Variants in CFAP210 observed in about 807,000 individuals in gnomAD.
CFAP210 encodes the protein cilia- and flagella- associated protein 210.
chr2:169,681,800 G>T, the CFAP210 span, among the ~76,000 whole-genome samples: 1 of 152,180 alleles, frequency 6.6e-6, no homozygotes, highest in African/African-American at 2.4e-5. Flanking sequence ...AGGTTTACTT[G>T]CAACTTTTAG....
chr2:169,683,262 A>C, the CFAP210 span, among the ~76,000 whole-genome samples: 3 of 152,096 alleles, frequency 2.0e-5, no homozygotes, highest in Non-Finnish European at 1.5e-5. Context: ...TATCATCATG[A>C]CTCTTTAGTT....
chr2:169,661,645 C>G, the CFAP210 span, among the ~76,000 whole-genome samples: 1 of 152,210 alleles, frequency 6.6e-6, no homozygotes, highest in Non-Finnish European at 1.5e-5. Context: ...TCACAACTCT[C>G]AAGAAAATAT....
chr2:169,679,350 C>T, the CFAP210 span, among the ~76,000 whole-genome samples: 1 of 152,228 alleles, frequency 6.6e-6, no homozygotes, highest in South Asian at 2.1e-4. Context: ...AATATCCAGT[C>T]GACATCTTCC....
At chr2:169,649,156 A>G in the CFAP210 span, 1 of 1,553,842 alleles carries the variant, frequency 6.4e-7, no homozygotes, top group South Asian at 1.2e-5. Flanking sequence ...TTACTAACAT[A>G]ATTATAAACA....
the CFAP210 span, among the ~76,000 whole-genome samples, chr2:169,651,421 G>T: frequency 6.6e-6 from 1 of 151,672 alleles, no homozygotes; most frequent in Non-Finnish European, 1.5e-5. Flanking sequence ...TTTTGAGACT[G>T]AGTCTCACTG....
the CFAP210 span, among the ~76,000 whole-genome samples, chr2:169,672,159 G>A: frequency 2.6e-5 from 4 of 152,156 alleles, no homozygotes; most frequent in South Asian, 2.1e-4. Context: ...ATAGCTTGGC[G>A]ATAAGTTTGT....
chr2:169,662,270 T>C, the CFAP210 span: 2 of 1,589,860 alleles, frequency 1.3e-6, no homozygotes, highest in Non-Finnish European at 1.7e-6. Context: ...CTTTTGCCCT[T>C]TCAACTTACA....
the CFAP210 span, chr2:169,662,487 T>C: frequency 3.4e-6 from 5 of 1,456,134 alleles, no homozygotes; most frequent in Admixed American, 2.6e-5. Flanking sequence ...AAATAGGTTA[T>C]ATTTTTAAGA....
the CFAP210 span, among the ~76,000 whole-genome samples, chr2:169,668,620 T>C: frequency 3.3e-5 from 5 of 152,322 alleles, no homozygotes; most frequent in East Asian, 7.7e-4. Context: ...AGGTTATTAA[T>C]TGGCCTGATT....
chr2:169,658,396 A>G, the CFAP210 span: 1 of 152,520 alleles, frequency 6.6e-6, no homozygotes, highest in African/African-American at 2.4e-5. Context: ...GGAGAAGCAA[A>G]TAAATATTAG....
At chr2:169,692,261 T>C in the CFAP210 span, among the ~76,000 whole-genome samples, 15,234 of 152,236 alleles carry the variant, frequency 0.1, 967 homozygotes, top group Middle Eastern at 0.19. Flanking sequence ...TGTTTCATGC[T>C]GTTATAACAG....
chr2:169,665,222 C>A, the CFAP210 span, among the ~76,000 whole-genome samples: 1 of 152,182 alleles, frequency 6.6e-6, no homozygotes, highest in Non-Finnish European at 1.5e-5. Flanking sequence ...AAAAAGAAGT[C>A]AGTAGTCAAA....
chr2:169,664,206 A>G, the CFAP210 span, among the ~76,000 whole-genome samples: 6 of 149,878 alleles, frequency 4.0e-5, no homozygotes, highest in African/African-American at 1.5e-4. Flanking sequence ...AAAAACAAAA[A>G]AAAAGATTTG....
At chr2:169,692,547 C>T in the CFAP210 span, among the ~76,000 whole-genome samples, 1 of 152,004 alleles carries the variant, frequency 6.6e-6, no homozygotes, top group Non-Finnish European at 1.5e-5. Flanking sequence ...ATAATGAACC[C>T]ATTCCCCAGA....
At chr2:169,672,392 G>T in the CFAP210 span, among the ~76,000 whole-genome samples, 38 of 152,274 alleles carry the variant, frequency 2.5e-4, no homozygotes, top group African/African-American at 8.9e-4. Context: ...GGGAGAATTA[G>T]CTCACACTAT....
At chr2:169,647,634 T>C in the CFAP210 span, among the ~76,000 whole-genome samples, 1 of 152,138 alleles carries the variant, frequency 6.6e-6, no homozygotes, top group Non-Finnish European at 1.5e-5. Flanking sequence ...CTTCAACAAG[T>C]AAATCAGAAG....
chr2:169,653,029 A>AATATATATATATAT, the CFAP210 span, among the ~76,000 whole-genome samples: 24 of 39,952 alleles, frequency 6.0e-4, no homozygotes, highest in Non-Finnish European at 6.8e-4. Flanking sequence ...AAAAAAAAAA[A>AATATATATATATAT]ATATATATAT....
chr2:169,685,374 A>T, the CFAP210 span, among the ~76,000 whole-genome samples: 15,362 of 152,222 alleles, frequency 0.1, 964 homozygotes, highest in Middle Eastern at 0.19. Flanking sequence ...GTTGAGCATC[A>T]TTTCATGTGC....
chr2:169,647,184 GAA>G, the CFAP210 span, among the ~76,000 whole-genome samples: 1 of 117,798 alleles, frequency 8.5e-6, no homozygotes, highest in Non-Finnish European at 1.8e-5. Flanking sequence ...TAAGATTGGA[GAA>G]AAAGTCAAAA....
Sources: allele counts gnomAD v4.1 joint callset (sites outside exome capture counted in the v4.1 genomes callset), GRCh38; gene constraint gnomAD v4.1.1; transcripts MANE v1.5; gene names NCBI Gene and HGNC (gene_info 2026-07-23, HGNC 2026-07-21).